The following POLR2B variants were observed in gnomAD, a reference collection of about 807,000 sequenced individuals.
The protein encoded by POLR2B is DNA-directed RNA polymerase II subunit RPB2.
A neutral mutation model predicts 144.6 loss-of-function variants in POLR2B; 57 were observed. The ratio of observed to expected loss-of-function variants is 0.39; its 90% CI spans 0.32 to 0.49. The LOEUF (loss-of-function observed/expected upper bound fraction) is 0.49, where lower values mean the gene tolerates loss of function less well. POLR2B is among the 20% of genes least tolerant of loss of function. The pLI, the probability that POLR2B is intolerant of heterozygous loss-of-function variation, is 0.83. For missense variants in POLR2B, 595 were observed against 1,467.4 expected, an observed-to-expected ratio of 0.41 and a Z score of 9.71; for synonymous variants, 442 against 469.8, an observed-to-expected ratio of 0.94 and a Z score of 0.77.
At chr4:56,983,066 A>G (rs994016526) in intron 1 of POLR2B, among the ~76,000 whole-genome samples, 5 of 152,062 alleles carry the variant, frequency 3.3e-5, no homozygotes, top group Admixed American at 1.3e-4. Context: ...TATACTTCCA[A>G]TCCACTCTCC....
chr4:57,022,019 T>G (rs565043024), intron 17 of POLR2B, 133 bp from the exon 18 acceptor site: 2 of 612,372 alleles, frequency 3.3e-6, no homozygotes, highest in Non-Finnish European at 5.9e-6. Context: ...AGATCCTTAA[T>G]GCAGTTACTC....
At chr4:56,983,725 C>T (rs1201375418) in intron 1 of POLR2B, among the ~76,000 whole-genome samples, 1 of 152,062 alleles carries the variant, frequency 6.6e-6, no homozygotes, top group Non-Finnish European at 1.5e-5. Context: ...TCAGGCTGGT[C>T]TCGAACTCCT....
intron 3 of POLR2B, among the ~76,000 whole-genome samples, chr4:56,992,324 G>A (rs1018858541): frequency 6.6e-6 from 1 of 150,900 alleles, no homozygotes; most frequent in African/African-American, 2.4e-5. Context: ...AATTAGCCGG[G>A]TGTGGTGCCA....
In POLR2B at chr4:57,023,113, C is replaced by T. The variant is rs904563045; in HGVS notation, c.2516-217C>T. The T allele has an allele frequency of 8.1e-6, 4 of 494,100 alleles. No individual in the cohort carries two copies. Among genetic ancestry groups the T allele is most frequent in the African/African-American group, 2.0e-5 (1 of 51,002 alleles). The allele number at this position is 494,100 out of a possible 1,614,324, so 30.6% of individuals were successfully genotyped here. A position where few individuals can be genotyped will look rare whatever the true frequency, so the allele number is the denominator to read the frequency against. ...CATGGAAGAATCTGCTTTCCCAGTGCTGATTCCAATGTTCTTTTCCTTCAT... is the reference window on the plus strand; with the variant it reads ...CATGGAAGAATCTGCTTTCCCAGTGTTGATTCCAATGTTCTTTTCCTTCAT... On this transcript the variant is annotated intron_variant, in intron 18 of 24. Transcript: ENST00000314595. The surrounding 1 kb of genome is among the most constrained non-coding windows in gnomAD (Gnocchi z 4.3).
Position 57,017,649 on chromosome 4 carries a change from C to G in POLR2B, c.2244C>G (p.Ala748=). ...TNFHVRMDTL[A]HVLYYPQKPL... ...TCCATGTTCGCATGGACACATTGGC[C>G]CATGTTCTCTATTATCCTCAAAAGC... Residue 748 remains alanine, a synonymous_variant, in exon 16 of 25, where the codon GCC becomes GCG. Transcript: ENST00000314595. This position sits in a 1 kb window ranked among gnomAD's most constrained non-coding sequence, Gnocchi z 4.8. 6.2e-7 allele frequency: 1 copy of G among 1,613,472 alleles called. No individual in the cohort carries two copies. Among genetic ancestry groups the G allele is most frequent in the Non-Finnish European group, 8.5e-7 (1 of 1,179,482 alleles).
At chr4:56,999,868 C>G in intron 7 of POLR2B, 87 bp downstream of exon 7, 1 of 933,328 alleles carries the variant, frequency 1.1e-6, no homozygotes, top group Non-Finnish European at 1.6e-6. Context: ...TAGTAGAAAG[C>G]TGTTCTGAAG....
chr4:57,011,469 G>A (rs1351280310), intron 13 of POLR2B, among the ~76,000 whole-genome samples: 1 of 151,708 alleles, frequency 6.6e-6, no homozygotes. Flanking sequence ...CGGGGGTTAT[G>A]GTGAGGTGAG....
At chr4:56,992,783 C>T (rs1048814831) in intron 3 of POLR2B, among the ~76,000 whole-genome samples, 6 of 151,472 alleles carry the variant, frequency 4.0e-5, no homozygotes, top group Admixed American at 3.3e-4. Flanking sequence ...AGGATGGTCT[C>T]GATCTCCTGA....
At chr4:57,006,080 G>T (rs73167831) in intron 9 of POLR2B, among the ~76,000 whole-genome samples, 1 of 152,068 alleles carries the variant, frequency 6.6e-6, no homozygotes, top group Non-Finnish European at 1.5e-5. Flanking sequence ...GTCAGTGATT[G>T]TCTCACAGTA....
At chr4:56,994,616 G>A (rs755585636) in intron 4 of POLR2B, 31 bp from the exon 5 acceptor site, 1 of 1,505,452 alleles carries the variant, frequency 6.6e-7, no homozygotes, top group South Asian at 1.1e-5. Flanking sequence ...ATACCCTATT[G>A]CTTAACTGTG....
intron 21 of POLR2B, 71 bp downstream of exon 21, chr4:57,024,183 C>A: frequency 2.6e-6 from 2 of 783,780 alleles, no homozygotes; most frequent in African/African-American, 1.8e-5. Flanking sequence ...GGTGATTGCT[C>A]TCACATTTGA....
At chr4:56,982,970 A>G (rs965057774) in intron 1 of POLR2B, among the ~76,000 whole-genome samples, 3 of 152,098 alleles carry the variant, frequency 2.0e-5, no homozygotes, top group African/African-American at 7.2e-5. Context: ...TAAATATGTC[A>G]AATCTGGCCA....
chr4:56,984,882 A>G (rs1337576859), intron 1 of POLR2B, among the ~76,000 whole-genome samples: 1 of 152,126 alleles, frequency 6.6e-6, no homozygotes, highest in Non-Finnish European at 1.5e-5. Context: ...TTTTGAATGC[A>G]TATTTAAATT....
chr4:56,979,039 C>G, intron 1 of POLR2B, 35 bp downstream of exon 1: 1 of 1,609,028 alleles, frequency 6.2e-7, no homozygotes, highest in Non-Finnish European at 8.5e-7. Flanking sequence ...CCGTGGCGGT[C>G]CATTTAAGCA....
At chr4:57,016,831 C>T (rs1049721128) in intron 14 of POLR2B, among the ~76,000 whole-genome samples, 1 of 148,864 alleles carries the variant, frequency 6.7e-6, no homozygotes, top group African/African-American at 2.4e-5. Flanking sequence ...TGCTTATTCT[C>T]CAGCAGCTTA....
chr4:56,980,946 A>G (rs1289622014), intron 1 of POLR2B, among the ~76,000 whole-genome samples: 1 of 151,852 alleles, frequency 6.6e-6, no homozygotes, highest in Admixed American at 6.6e-5. Context: ...CTGAGATTAC[A>G]GGCGTACACC....
rs574350972 is a variant in POLR2B at position 57,023,142 on chromosome 4, CT to C, written c.2516-178del. ...TTCCAATGTTCTTTTCCTTCATAGA[CT>C]TTTTTTTTTGTTTTCTGTGTGGGCT... On this transcript the variant is annotated intron_variant, in intron 18 of 24. Coordinates refer to ENST00000314595, the MANE Select transcript of POLR2B (RefSeq NM_000938.3). This position sits in a 1 kb window ranked among gnomAD's most constrained non-coding sequence, Gnocchi z 4.3. 1.0e-2 allele frequency: 4,373 copies of C among 439,270 alleles called. No homozygotes were observed. Among genetic ancestry groups the C allele is most frequent in the South Asian group, 0.015 (445 of 29,224 alleles). The allele number at this position is 439,270 out of a possible 1,614,324, so 27.2% of individuals were successfully genotyped here.
chr4:57,001,348 A>G lies in POLR2B; in HGVS notation c.900+1567A>G, dbSNP rs376483554. Among the ~76,000 whole-genome samples the G allele has an allele frequency of 2.3e-4, 35 of 151,912 alleles. No homozygotes were observed. In the South Asian group the frequency reaches 7.3e-3, roughly 32 times the overall value. ...TAATTTTTGTAGTTTTAGTAGAGACAGGGTTTCACTGTGTTGGCCAAACTG... is the reference window on the plus strand; with the variant it reads ...TAATTTTTGTAGTTTTAGTAGAGACGGGGTTTCACTGTGTTGGCCAAACTG... On this transcript the variant is annotated intron_variant, in intron 7 of 24. Coordinates refer to ENST00000314595, the MANE Select transcript of POLR2B (RefSeq NM_000938.3).
Position 57,023,492 on chromosome 4 carries a change from G to A in POLR2B, c.2678G>A (p.Ser893Asn). ...TNRRYTKRDC[S>N]TFLRTSETGI... The stretch of plus-strand genomic sequence containing the variant: ...AGACGCTATACCAAGAGAGACTGTA[G>A]CACTTTTCTCAGAACTAGCGAGACG... Residue 893 changes from serine (S) to asparagine (N), a missense_variant, in exon 19 of 25, where the codon AGC becomes AAC. By Grantham distance (46) the Ser-to-Asn change is conservative (BLOSUM62 1). Transcript: ENST00000314595. The surrounding 1 kb of genome is among the most constrained non-coding windows in gnomAD (Gnocchi z 4.3). 6.2e-7 allele frequency: 1 copy of A among 1,613,838 alleles called. No homozygotes were observed. Among genetic ancestry groups the A allele is most frequent in the Non-Finnish European group, 8.5e-7 (1 of 1,179,764 alleles).
Sources: gnomAD v4.1 joint callset for allele counts (sites outside exome capture counted in the v4.1 genomes callset) on GRCh38, gnomAD v4.1.1 for gene constraint, Gnocchi (gnomAD v3.1) non-coding constraint, MANE v1.5 for transcripts, NCBI Gene and HGNC (gene_info 2026-07-23, HGNC 2026-07-21) for gene names.